Variants in TP53I11 observed in about 807,000 individuals in gnomAD.
The protein encoded by TP53I11 is tumor protein p53 inducible protein 11.
Under a neutral mutation model 23.3 loss-of-function variants are expected in TP53I11, and 9 were observed. That is an observed-to-expected ratio of 0.39 (90% CI 0.23 to 0.67). The LOEUF is 0.67. Ranked by LOEUF, TP53I11 falls within the 30% of genes least tolerant of loss-of-function variation. The pLI is 0.48. For missense variants in TP53I11, 170 were observed against 255.2 expected (o/e 0.67, Z 2.27); for synonymous variants, 100 against 106.1 (o/e 0.94, Z 0.35).
At chr11:44,935,255 G>C (rs546774338) in intron 6 of TP53I11, among the ~76,000 whole-genome samples, 1 of 152,300 alleles carries the variant, frequency 6.6e-6, no homozygotes, top group Non-Finnish European at 1.5e-5. Flanking sequence ...AATTGAATGC[G>C]TGTTATTACA....
At chr11:44,951,174 C>T (rs1862923216), upstream of TP53I11, 1 of 152,412 alleles carries the variant, frequency 6.6e-6, no homozygotes, top group South Asian at 2.1e-4. Context: ...AGACGGTGCC[C>T]CTTTCTTGGG....
In TP53I11 at chr11:44,938,336, C is replaced by T; in HGVS notation, c.-1G>A. On this transcript the variant is annotated 5_prime_UTR_variant, in exon 2 of 7. Transcript: ENST00000525680. ...GAGGCGGGGGCTGCTTGGCCGCCATCTTCTCCTCCAGCCCGGCCTCTGCAG... is the reference window on the plus strand; with the variant it reads ...GAGGCGGGGGCTGCTTGGCCGCCATTTTCTCCTCCAGCCCGGCCTCTGCAG... The T allele has an allele frequency of 6.3e-7, 1 of 1,597,850 alleles. No homozygotes were observed. Among genetic ancestry groups the T allele is most frequent in the Non-Finnish European group, 8.5e-7 (1 of 1,172,700 alleles).
chr11:44,947,216 T>A, intron 1 of TP53I11: 1 of 439,118 alleles, frequency 2.3e-6, no homozygotes, highest in South Asian at 1.6e-5. Context: ...GTCATTCACA[T>A]GGGCAGAACA....
intron 1 of TP53I11, among the ~76,000 whole-genome samples, chr11:44,949,406 G>T (rs1862711178): frequency 6.6e-6 from 1 of 152,164 alleles, no homozygotes; most frequent in Non-Finnish European, 1.5e-5. Context: ...TTGTTTGAAA[G>T]AAACCAATCA....
rs1860758175 is a variant in TP53I11 at position 44,933,434 on chromosome 11, C to G, written c.*1450G>C. The G allele has an allele frequency of 6.5e-6, 1 of 152,878 alleles. No homozygotes were observed. Among genetic ancestry groups the G allele is most frequent in the African/African-American group, 2.4e-5 (1 of 41,462 alleles). 9.5% of individuals were successfully genotyped at this position (152,878 alleles called of 1,614,324 possible). ...GCCTGGGGCTGCTTTTCTCCCTACA[C>G]CTGTCCCCAGGGCTTGGGCTCGCCA... On this transcript the variant is annotated 3_prime_UTR_variant, in exon 7 of 7. Coordinates refer to ENST00000525680, the MANE Select transcript of TP53I11 (RefSeq NM_006034.5).
intron 1 of TP53I11, 25 bp from the exon 2 acceptor site, chr11:44,938,391 C>T (rs758220186): frequency 4.0e-6 from 6 of 1,505,024 alleles, no homozygotes; most frequent in Admixed American, 2.1e-5. Flanking sequence ...CGGCCTCAGG[C>T]CACAGTTCCT....
intron 1 of TP53I11, among the ~76,000 whole-genome samples, chr11:44,941,883 C>T (rs1293426329): frequency 6.6e-6 from 1 of 152,112 alleles, no homozygotes; most frequent in Admixed American, 6.5e-5. Flanking sequence ...CTCCGAGGGG[C>T]AGAAGCTTCC....
At position 44,934,779 on chromosome 11, in the gene TP53I11, G is replaced by T. The variant is rs1860890035; in HGVS notation, c.*105C>A. On this transcript the variant is annotated 3_prime_UTR_variant, in exon 7 of 7. Transcript: ENST00000525680. The stretch of plus-strand genomic sequence containing the variant: ...CCCCCTGCCTCCCTGGGGCAGGACT[G>T]GGGCAGGGCAGGGGACCCTCCTGCC... 2.0e-6 allele frequency: 3 copies of T among 1,498,318 alleles called. No homozygotes were observed. Among genetic ancestry groups the T allele is most frequent in the East Asian group, 2.3e-5 (1 of 42,824 alleles). The allele number at this position is 1,498,318 out of a possible 1,614,324, so 92.8% of individuals were successfully genotyped here.
At position 44,937,372 on chromosome 11, in the gene TP53I11, G is replaced by T; in HGVS notation, c.189-20C>A. Reference sequence around the variant, plus strand: ...CAGACCCTGGGAGGCGTGGAAAGAAGATCACAGCCCTGCCCCAGGGGACCC... The same window carrying T: ...CAGACCCTGGGAGGCGTGGAAAGAATATCACAGCCCTGCCCCAGGGGACCC... On this transcript the variant is annotated intron_variant, in intron 3 of 6. Coordinates refer to ENST00000525680, the MANE Select transcript of TP53I11 (RefSeq NM_006034.5). 1 of 1,473,362 alleles carries T rather than the reference G, an allele frequency of 6.8e-7. No individual in the cohort carries two copies. Among genetic ancestry groups the T allele is most frequent in the South Asian group, 1.4e-5 (1 of 70,710 alleles). The allele number at this position is 1,473,362 out of a possible 1,614,324, so 91.3% of individuals were successfully genotyped here.
chr11:44,947,434 G>A (rs904524359), intron 1 of TP53I11, among the ~76,000 whole-genome samples: 10 of 152,122 alleles, frequency 6.6e-5, no homozygotes, highest in Non-Finnish European at 1.2e-4. Flanking sequence ...CCCCCACCCC[G>A]TGGCTGTTCA....
Position 44,936,701 on chromosome 11 carries a change from A to C in TP53I11, c.334+102T>G. ...TGTGGGCGCAGCATCTGGCCGAAGA[A>C]AGGAAGGGGTGCCCGGGCACGGACC... is the stretch of plus-strand genomic sequence containing the variant. On this transcript the variant is annotated intron_variant, in intron 5 of 6. Coordinates refer to ENST00000525680, the MANE Select transcript of TP53I11 (RefSeq NM_006034.5). The surrounding 1 kb of genome is among the most constrained non-coding windows in gnomAD (Gnocchi z 4.4). 1 of 1,352,850 alleles carries C rather than the reference A, an allele frequency of 7.4e-7. No homozygotes were observed. Among genetic ancestry groups the C allele is most frequent in the Non-Finnish European group, 9.6e-7 (1 of 1,045,884 alleles). 83.8% of individuals were successfully genotyped at this position (1,352,850 alleles called of 1,614,324 possible).
intron 1 of TP53I11, chr11:44,947,243 T>G (rs1018441500): frequency 7.4e-6 from 3 of 403,680 alleles, no homozygotes; most frequent in Non-Finnish European, 1.5e-5. Flanking sequence ...ATTCCTGTCC[T>G]TTTCGACTCT....
chr11:44,934,703 C>G lies in TP53I11; in HGVS notation c.*181G>C, dbSNP rs573844769. The G allele has an allele frequency of 3.8e-6, 3 of 784,994 alleles. No individual in the cohort carries two copies. The highest frequency in any genetic ancestry group is 5.9e-6 in the Non-Finnish European group (3 of 507,900). The allele number at this position is 784,994 out of a possible 1,614,324, so 48.6% of individuals were successfully genotyped here. ...CAGACCAGCATGTCAAGCCTGAAAG[C>G]CCAGGAGATCACAGCACACGGGGTG... On this transcript the variant is annotated 3_prime_UTR_variant, in exon 7 of 7. Transcript: ENST00000525680.
intron 1 of TP53I11, chr11:44,943,340 C>T (rs1161601613): frequency 6.6e-6 from 1 of 152,348 alleles, no homozygotes; most frequent in African/African-American, 2.4e-5. Context: ...CTGAAGGGCC[C>T]CCGGGGGTTT....
At position 44,933,410 on chromosome 11, in the gene TP53I11, C is replaced by G. The variant is rs547306540; in HGVS notation, c.*1474G>C. The G allele has an allele frequency of 8.5e-5, 13 of 152,648 alleles. No homozygotes were observed. Among genetic ancestry groups the G allele is most frequent in the African/African-American group, 3.1e-4 (13 of 41,564 alleles). The allele number at this position is 152,648 out of a possible 1,614,324, so 9.5% of individuals were successfully genotyped here. ...GCCAGGATGGGAAGCGAGTCTGAGG[C>G]CTGGGGCTGCTTTTCTCCCTACACC... On this transcript the variant is annotated 3_prime_UTR_variant, in exon 7 of 7. Coordinates refer to ENST00000525680, the MANE Select transcript of TP53I11 (RefSeq NM_006034.5).
At position 44,934,334 on chromosome 11, in the gene TP53I11, TTG is replaced by T. The variant is rs1157351904; in HGVS notation, c.*548_*549del. 1 of 167,736 alleles carries T rather than the reference TTG, an allele frequency of 6.0e-6. No homozygotes were observed. Among genetic ancestry groups the T allele is most frequent in the African/African-American group, 2.4e-5 (1 of 41,764 alleles). 10.4% of individuals were successfully genotyped at this position (167,736 alleles called of 1,614,324 possible). ...GTTCAGGGGTGTGTATGTGTGTGTG[TTG>T]TGTGTCTGTGTGTGTTTTCAGGGTG... On this transcript the variant is annotated 3_prime_UTR_variant, in exon 7 of 7. Coordinates refer to ENST00000525680, the MANE Select transcript of TP53I11 (RefSeq NM_006034.5).
intron 1 of TP53I11, among the ~76,000 whole-genome samples, chr11:44,945,881 C>T (rs1565121884): frequency 6.6e-6 from 1 of 152,168 alleles, no homozygotes; most frequent in South Asian, 2.1e-4. Flanking sequence ...TGCGGTCCCT[C>T]CCAGGGCTGC....
At chr11:44,941,315 C>T (rs915936951) in intron 1 of TP53I11, among the ~76,000 whole-genome samples, 4 of 152,162 alleles carry the variant, frequency 2.6e-5, no homozygotes, top group African/African-American at 9.7e-5. Context: ...ATCTGTGAAA[C>T]GAAAACAGCC....
At chr11:44,942,445 C>T (rs1274716335) in intron 1 of TP53I11, among the ~76,000 whole-genome samples, 4 of 145,876 alleles carry the variant, frequency 2.7e-5, no homozygotes, top group African/African-American at 1.0e-4. Context: ...CACACACACA[C>T]ACACACACAC....
Sources: gnomAD v4.1 joint callset for allele counts (sites outside exome capture counted in the v4.1 genomes callset) on GRCh38, gnomAD v4.1.1 for gene constraint, Gnocchi (gnomAD v3.1) non-coding constraint, MANE v1.5 for transcripts, NCBI Gene and HGNC (gene_info 2026-07-23, HGNC 2026-07-21) for gene names.